DNAJC11: variants seen among roughly 807,000 people sequenced by gnomAD.
DNAJC11 encodes the protein DnaJ heat shock protein family (Hsp40) member C11, also known as dnaJ homolog subfamily C member 11.
A neutral mutation model predicts 78.6 loss-of-function variants in DNAJC11; 15 were observed. The ratio of observed to expected loss-of-function variants is 0.19; its 90% confidence interval spans 0.13 to 0.29. DNAJC11 has a LOEUF of 0.29. Among genes scored for constraint, DNAJC11 ranks in the 10% least tolerant of loss-of-function variants. The pLI is 1.00. For synonymous variants in DNAJC11, 292 were observed against 272.1 expected, an observed-to-expected ratio of 1.07 and a Z score of -0.72; for missense variants, 547 against 709.6, an observed-to-expected ratio of 0.77 and a Z score of 2.60.
intron 1 of DNAJC11, among the ~76,000 whole-genome samples, chr1:6,690,034 T>C (rs1468966972): frequency 1.3e-5 from 2 of 152,140 alleles, no homozygotes; most frequent in East Asian, 3.8e-4. Flanking sequence ...CAGATAAAAA[T>C]CCCGAGGATC....
At chr1:6,658,607 C>T (rs762278424) in intron 4 of DNAJC11, among the ~76,000 whole-genome samples, 1 of 151,448 alleles carries the variant, frequency 6.6e-6, no homozygotes, top group Non-Finnish European at 1.5e-5. Context: ...TAGTAAATAC[C>T]TGACTTTTGA....
chr1:6,677,279 G>A (rs1642480157), intron 3 of DNAJC11, among the ~76,000 whole-genome samples: 1 of 151,940 alleles, frequency 6.6e-6, no homozygotes, highest in Non-Finnish European at 1.5e-5. Flanking sequence ...AATTTATTGG[G>A]CATCAGAACC....
intron 7 of DNAJC11, among the ~76,000 whole-genome samples, chr1:6,646,416 G>A (rs773276362): frequency 6.6e-5 from 10 of 152,268 alleles, no homozygotes; most frequent in Admixed American, 4.6e-4. Flanking sequence ...CTTCTTCGCC[G>A]GCATGCTGAT....
At chr1:6,678,614 T>C in intron 2 of DNAJC11, 147 bp from the exon 3 acceptor site, 1 of 669,740 alleles carries the variant, frequency 1.5e-6, no homozygotes, top group South Asian at 1.9e-5. Context: ...TTTCTACACA[T>C]CTTTCCTCCC....
chr1:6,651,402 T>A (rs1642053156), intron 7 of DNAJC11, 127 bp downstream of exon 7: 1 of 805,016 alleles, frequency 1.2e-6, no homozygotes. Context: ...TACCTGCCCT[T>A]GATGTACGCA....
chr1:6,640,186 AG>A lies in DNAJC11; in HGVS notation c.1098-130del, dbSNP rs1449141214. 5 of 1,166,534 alleles carry A rather than the reference AG, an allele frequency of 4.3e-6. No individual in the cohort carries two copies. The African/African-American group carries it at 4.7e-5, about 11-fold the overall frequency. The allele number at this position is 1,166,534 out of a possible 1,614,324, so 72.3% of individuals were successfully genotyped here. A position where few individuals can be genotyped will look rare whatever the true frequency, so the allele number is the denominator to read the frequency against. On this transcript the variant is annotated intron_variant, in intron 10 of 15. Coordinates refer to ENST00000377577, the MANE Select transcript of DNAJC11 (RefSeq NM_018198.4). ...GCAGCTGCGAGTTAAAGGAGCCTGC[AG>A]TCTGCTCCTTTCACAGTCCACCACC...
intron 12 of DNAJC11, 57 bp from the exon 13 acceptor site, chr1:6,637,561 G>A (rs1641801191): frequency 1.9e-6 from 3 of 1,594,432 alleles, no homozygotes; most frequent in South Asian, 2.2e-5. Flanking sequence ...TCCACCTCTG[G>A]TGAGAGGGCC....
At chr1:6,642,305 C>T (rs887437005) in intron 10 of DNAJC11, among the ~76,000 whole-genome samples, 9 of 152,138 alleles carry the variant, frequency 5.9e-5, no homozygotes, top group African/African-American at 9.7e-5. Flanking sequence ...GACTCTCCTA[C>T]GGAAAGCAGA....
intron 1 of DNAJC11, among the ~76,000 whole-genome samples, chr1:6,687,346 T>C (rs907906402): frequency 6.8e-6 from 1 of 147,696 alleles, no homozygotes; most frequent in Non-Finnish European, 1.5e-5. Context: ...CTTTACACAA[T>C]ACAGTCCCTT....
At chr1:6,643,423 C>A (rs760955032) in intron 10 of DNAJC11, among the ~76,000 whole-genome samples, 3 of 151,944 alleles carry the variant, frequency 2.0e-5, no homozygotes, top group African/African-American at 4.8e-5. Context: ...CTACAGGCGC[C>A]CGCCACCACG....
At chr1:6,639,209 C>T (rs1441808761) in intron 11 of DNAJC11, among the ~76,000 whole-genome samples, 2 of 135,152 alleles carry the variant, frequency 1.5e-5, no homozygotes, top group Middle Eastern at 4.0e-3. Context: ...ACTTTCAAGA[C>T]TCTAGTTAAC....
intron 3 of DNAJC11, among the ~76,000 whole-genome samples, chr1:6,675,275 C>CTACT (rs1279165420): frequency 6.7e-6 from 1 of 148,870 alleles, no homozygotes; most frequent in East Asian, 2.0e-4. Flanking sequence ...GCAGCAAAAG[C>CTACT]TTAGTATCCA....
intron 2 of DNAJC11, among the ~76,000 whole-genome samples, chr1:6,678,944 C>T (rs1170866984): frequency 6.6e-6 from 1 of 152,136 alleles, no homozygotes; most frequent in African/African-American, 2.4e-5. Flanking sequence ...CCACTGCACC[C>T]AGCTAATGTA....
At chr1:6,660,288 C>A (rs1235577751) in intron 4 of DNAJC11, among the ~76,000 whole-genome samples, 1 of 151,672 alleles carries the variant, frequency 6.6e-6, no homozygotes, top group Non-Finnish European at 1.5e-5. Flanking sequence ...TCCCAAATAG[C>A]TGTGACTACA....
At position 6,636,787 on chromosome 1, in the gene DNAJC11, C is replaced by G. The variant is rs529535386; in HGVS notation, c.1524+411G>C. 1.9e-4 allele frequency among the ~76,000 whole-genome samples: 29 copies of G among 152,274 alleles called. No homozygotes were observed. In the Middle Eastern group the frequency reaches 0.01, roughly 54 times the overall value. ...CCCACACAGTAGATGCTGATGACGG[C>G]AAAGATCCCACTTTAAGGGGCCAGG... On this transcript the variant is annotated intron_variant, in intron 14 of 15. Coordinates refer to ENST00000377577, the MANE Select transcript of DNAJC11 (RefSeq NM_018198.4).
At chr1:6,663,269 G>T (rs746293217) in intron 4 of DNAJC11, among the ~76,000 whole-genome samples, 1 of 152,030 alleles carries the variant, frequency 6.6e-6, no homozygotes, top group Non-Finnish European at 1.5e-5. Flanking sequence ...ATATATGCCC[G>T]CAGAGACAGT....
At chr1:6,654,286 G>A in intron 4 of DNAJC11, 1 of 368,146 alleles carries the variant, frequency 2.7e-6, no homozygotes, top group Non-Finnish European at 5.1e-6. Flanking sequence ...CGGTCCGCAT[G>A]TCTGCAGAGC....
intron 14 of DNAJC11, among the ~76,000 whole-genome samples, chr1:6,636,601 A>T (rs1641778940): frequency 6.6e-6 from 1 of 152,164 alleles, no homozygotes; most frequent in Admixed American, 6.5e-5. Flanking sequence ...AATGAGGCAA[A>T]AATAAACAGA....
chr1:6,654,902 G>A (rs1282977527), intron 4 of DNAJC11, among the ~76,000 whole-genome samples: 3 of 151,914 alleles, frequency 2.0e-5, no homozygotes, highest in South Asian at 2.1e-4. Context: ...GGGTTCAAGC[G>A]ATTCTCCTGC....
Sources: allele counts gnomAD v4.1 joint callset (sites outside exome capture counted in the v4.1 genomes callset), GRCh38; gene constraint gnomAD v4.1.1; transcripts MANE v1.5; gene names NCBI Gene and HGNC (gene_info 2026-07-23, HGNC 2026-07-21).